VPS54: variants seen among roughly 807,000 people sequenced by gnomAD.
VPS54 encodes the protein vacuolar protein sorting-associated protein 54.
In VPS54, 45 loss-of-function variants were observed where a neutral mutation model predicts 121.5. The observed-to-expected ratio is 0.37, with a 90% CI of 0.29 to 0.47. The LOEUF (loss-of-function observed/expected upper bound fraction) is 0.47. Among genes scored for constraint, VPS54 ranks in the 20% least tolerant of loss-of-function variants. The pLI, the probability that VPS54 is intolerant of heterozygous loss-of-function variation, is 0.99. For synonymous variants in VPS54, 371 were observed against 385.8 expected, an observed-to-expected ratio of 0.96 and a Z score of 0.45; for missense variants, 1,090 against 1,131.4, an observed-to-expected ratio of 0.96 and a Z score of 0.52.
chr2:63,953,055 T>G (rs1008799295), intron 7 of VPS54, among the ~76,000 whole-genome samples: 3 of 123,702 alleles, frequency 2.4e-5, no homozygotes, highest in East Asian at 2.3e-4. Flanking sequence ...TATAGAGCAG[T>G]TTTTTTTTCA....
chr2:63,974,567 C>A (rs1676431838), intron 3 of VPS54, among the ~76,000 whole-genome samples: 1 of 152,140 alleles, frequency 6.6e-6, no homozygotes, highest in South Asian at 2.1e-4. Flanking sequence ...CCTTCCTATC[C>A]ACATATATGA....
chr2:63,970,266 TATATATAG>T (rs1676216543), intron 4 of VPS54, among the ~76,000 whole-genome samples: 6 of 141,690 alleles, frequency 4.2e-5, no homozygotes, highest in Admixed American at 2.2e-4. Context: ...TATATATAGA[TATATATAG>T]ATATATATAG....
chr2:64,008,961 T>A (rs1470304733), intron 1 of VPS54, among the ~76,000 whole-genome samples: 2 of 152,222 alleles, frequency 1.3e-5, no homozygotes, highest in East Asian at 3.8e-4. Context: ...ACGATCTCCA[T>A]TATATGAATG....
chr2:63,962,352 T>C lies in VPS54; in HGVS notation c.716A>G (p.His239Arg). The C allele has an allele frequency of 9.9e-6, 16 of 1,613,994 alleles. No individual in the cohort carries two copies. Among genetic ancestry groups the C allele is most frequent in the Non-Finnish European group, 1.4e-5 (16 of 1,179,914 alleles). Residue 239 changes from histidine (H) to arginine (R), a missense_variant, in exon 7 of 23, where the codon CAC (histidine) becomes CGC (arginine). His to Arg is a conservative substitution (Grantham distance 29, BLOSUM62 0). Transcript: ENST00000272322. ...EAFFHAMTSQ[H>R]ELQDYLRKTS... ...TTTCCTGAGGTAGTCCTGCAACTCG[T>C]GTTGAGAGGTCATTGCATGAAAAAA...
chr2:63,940,592 A>C (rs968303224), intron 11 of VPS54, among the ~76,000 whole-genome samples: 1 of 152,054 alleles, frequency 6.6e-6, no homozygotes, highest in African/African-American at 2.4e-5. Context: ...TGTTTCCTTC[A>C]GTGTTATTGA....
chr2:63,948,903 AGTGAAGGACT>A, intron 8 of VPS54, 124 bp downstream of exon 8: 1 of 960,490 alleles, frequency 1.0e-6, no homozygotes, highest in Non-Finnish European at 1.5e-6. Context: ...TCACATAGCT[AGTGAAGGACT>A]TCATAGGTCT....
chr2:64,003,522 T>TTTTC (rs1482261291), intron 1 of VPS54, among the ~76,000 whole-genome samples: 2 of 152,338 alleles, frequency 1.3e-5, no homozygotes, highest in East Asian at 3.9e-4. Context: ...ATGTTTCTGT[T>TTTTC]TTTCTGTGTA....
intron 7 of VPS54, among the ~76,000 whole-genome samples, chr2:63,961,659 G>T (rs1388704334): frequency 1.3e-5 from 2 of 152,116 alleles, no homozygotes; most frequent in African/African-American, 2.4e-5. Flanking sequence ...AATCAGAAAT[G>T]AATTTTAATA....
rs1673564757 is a variant in VPS54 at position 63,919,984 on chromosome 2, T to C, written c.2063A>G (p.Asp688Gly). The C allele has an allele frequency of 1.2e-6, 2 of 1,611,130 alleles. No individual in the cohort carries two copies. Reference protein sequence around the residue: ...ERKTKLSLLLDNERWKQADVP... With the variant: ...ERKTKLSLLLGNERWKQADVP... ...ATCTGCTTGCTTCCAGCGCTCATTG[T>C]CTAAGAGGAGGCTAGTCCACAGTAA... The change falls in exon 15 of 23, where the codon GAC (aspartate) becomes GGC (glycine). Residue 688 changes from aspartate (D) to glycine (G), a missense_variant. Around this residue, in one of 2 missense-constraint regions of VPS54, gnomAD observed 289 missense variants for 374.4 expected, o/e 0.77. Coordinates refer to ENST00000272322, the MANE Select transcript of VPS54 (RefSeq NM_016516.3).
intron 7 of VPS54, among the ~76,000 whole-genome samples, chr2:63,949,550 A>G (rs952837748): frequency 2.0e-5 from 3 of 152,230 alleles, no homozygotes; most frequent in Non-Finnish European, 2.9e-5. Flanking sequence ...TATTCTTACA[A>G]TAAAGCTAGA....
At chr2:63,998,963 T>C (rs948605562) in intron 1 of VPS54, among the ~76,000 whole-genome samples, 3 of 152,162 alleles carry the variant, frequency 2.0e-5, no homozygotes, top group African/African-American at 7.2e-5. Flanking sequence ...TTAGCTTTTT[T>C]TAAGACAGAG....
chr2:63,975,080 CTG>C, intron 3 of VPS54: 5 of 1,529,006 alleles, frequency 3.3e-6, no homozygotes, highest in Non-Finnish European at 4.4e-6. Context: ...GAGTCTCACT[CTG>C]TCACCCAATC....
At chr2:63,949,813 G>A (rs1490615652) in intron 7 of VPS54, among the ~76,000 whole-genome samples, 1 of 152,150 alleles carries the variant, frequency 6.6e-6, no homozygotes, top group Non-Finnish European at 1.5e-5. Flanking sequence ...CTCTAAAAAT[G>A]TTTGTTTCTA....
intron 1 of VPS54, among the ~76,000 whole-genome samples, chr2:64,007,405 T>C (rs1246323827): frequency 1.3e-5 from 2 of 152,162 alleles, no homozygotes; most frequent in Non-Finnish European, 2.9e-5. Context: ...AATTACAATT[T>C]TTGAGTTGGA....
chr2:63,989,484 C>T (rs549284657), intron 1 of VPS54, among the ~76,000 whole-genome samples: 1 of 152,302 alleles, frequency 6.6e-6, no homozygotes, highest in South Asian at 2.1e-4. Flanking sequence ...CTCAGACTGG[C>T]TGACACTTAG....
chr2:63,929,108 C>T (rs1016808012), intron 12 of VPS54, among the ~76,000 whole-genome samples: 2 of 151,502 alleles, frequency 1.3e-5, no homozygotes, highest in African/African-American at 2.4e-5. Flanking sequence ...TAGATCAACA[C>T]GACAGAAAAT....
intron 1 of VPS54, among the ~76,000 whole-genome samples, chr2:64,006,009 G>A (rs946740732): frequency 6.6e-6 from 1 of 152,016 alleles, no homozygotes; most frequent in African/African-American, 2.4e-5. Context: ...AAAATGGCTT[G>A]GATACTCAGT....
intron 3 of VPS54, among the ~76,000 whole-genome samples, chr2:63,972,948 AT>A (rs1402142593): frequency 2.6e-5 from 4 of 152,066 alleles, no homozygotes; most frequent in African/African-American, 4.8e-5. Flanking sequence ...AAAAAAAAAA[AT>A]CTCACTCTGA....
intron 21 of VPS54, 68 bp downstream of exon 21, chr2:63,899,406 A>C: frequency 7.2e-7 from 1 of 1,391,304 alleles, no homozygotes; most frequent in Non-Finnish European, 9.9e-7. Flanking sequence ...AGCATGTAAA[A>C]ACACCCCAAT....
Sources: gnomAD v4.1 joint callset for allele counts (sites outside exome capture counted in the v4.1 genomes callset) on GRCh38, gnomAD v4.1.1 for gene constraint, gnomAD v4.1.1 regional missense constraint, MANE v1.5 for transcripts, NCBI Gene and HGNC (gene_info 2026-07-23, HGNC 2026-07-21) for gene names.